TRAF2: variants seen among roughly 807,000 people sequenced by gnomAD.
TRAF2 encodes TNF receptor-associated factor 2.
In TRAF2, 6 loss-of-function variants were observed where a neutral mutation model predicts 55.6. The ratio of observed to expected loss-of-function variants is 0.11; its 90% CI spans 0.06 to 0.21. The LOEUF (loss-of-function observed/expected upper bound fraction) is 0.21, where lower values mean the gene tolerates loss of function less well. TRAF2 is among the 10% of genes least tolerant of loss of function. The pLI is 1.00. For synonymous variants in TRAF2, 329 were observed against 276.3 expected (o/e 1.19, Z -1.89); for missense variants, 561 against 684.5 (o/e 0.82, Z 2.01).
intron 3 of TRAF2, 147 bp downstream of exon 3, chr9:136,899,819 G>GT: frequency 1.5e-6 from 1 of 675,452 alleles, no homozygotes; most frequent in African/African-American, 1.8e-5. Flanking sequence ...GAGTCCAGGA[G>GT]TTTGAGACCA....
chr9:136,917,180 C>A (rs1383780683), intron 7 of TRAF2, among the ~76,000 whole-genome samples: 2 of 152,204 alleles, frequency 1.3e-5, no homozygotes, highest in African/African-American at 2.4e-5. Flanking sequence ...CTTATGGGAC[C>A]CCCGTTCTTT....
upstream of TRAF2, among the ~76,000 whole-genome samples, chr9:136,884,395 T>G (rs1849409229): frequency 6.6e-6 from 1 of 151,784 alleles, no homozygotes; most frequent in Admixed American, 6.6e-5. Context: ...CCGTCTCTAC[T>G]AAAATACAAA....
intron 1 of TRAF2, among the ~76,000 whole-genome samples, chr9:136,897,553 C>T (rs1360805287): frequency 1.3e-5 from 2 of 151,642 alleles, no homozygotes; most frequent in South Asian, 2.1e-4. Context: ...AAAGGGAATG[C>T]ACTAGCCAGC....
chr9:136,923,161 T>A (rs964475302), intron 9 of TRAF2, among the ~76,000 whole-genome samples: 1 of 152,132 alleles, frequency 6.6e-6, no homozygotes, highest in Admixed American at 6.5e-5. Context: ...AGCCAGTGCC[T>A]CTTCTGAGGC....
At chr9:136,889,085 C>T (rs1849519504) in intron 1 of TRAF2, among the ~76,000 whole-genome samples, 1 of 152,150 alleles carries the variant, frequency 6.6e-6, no homozygotes, top group Non-Finnish European at 1.5e-5. Flanking sequence ...AGGGTGGTCT[C>T]GATCTGATCT....
intron 4 of TRAF2, among the ~76,000 whole-genome samples, chr9:136,907,689 G>A (rs570112409): frequency 2.5e-4 from 38 of 152,254 alleles, no homozygotes; most frequent in African/African-American, 7.0e-4. Context: ...TCATCAGATC[G>A]AGCGTGGCCT....
At position 136,899,430 on chromosome 9, in the gene TRAF2, G is replaced by A. The variant is rs75899138; in HGVS notation, c.189-164G>A. Among the ~76,000 whole-genome samples, 71 of 152,306 alleles carry A rather than the reference G, an allele frequency of 4.7e-4. 1 individual carries two copies. The highest frequency in any genetic ancestry group is 1.9e-3 in the East Asian group (10 of 5,180). On this transcript the variant is annotated intron_variant, in intron 2 of 10. Coordinates refer to ENST00000247668, the MANE Select transcript of TRAF2 (RefSeq NM_021138.4). Reference sequence around the variant, plus strand: ...TAAAAACAGTGTGCTGTGAATACTGGGGTTTAAAACATGTCCTGTTAACAT... The same window carrying A: ...TAAAAACAGTGTGCTGTGAATACTGAGGTTTAAAACATGTCCTGTTAACAT...
In TRAF2 at chr9:136,926,282, G is replaced by A. The variant is rs1364456240; in HGVS notation, c.*381G>A. Reference sequence around the variant, plus strand: ...CCATGTAGCAGGAGCACAGTGGATGGCCTTGTGTCCCTCGGGCATGACAGG... The same window carrying A: ...CCATGTAGCAGGAGCACAGTGGATGACCTTGTGTCCCTCGGGCATGACAGG... On this transcript the variant is annotated 3_prime_UTR_variant, in exon 11 of 11. Transcript: ENST00000247668. 2.7e-6 allele frequency: 1 copy of A among 373,144 alleles called. No homozygotes were observed. Among genetic ancestry groups the A allele is most frequent in the East Asian group, 6.7e-5 (1 of 14,922 alleles). The allele number at this position is 373,144 out of a possible 1,614,324, so 23.1% of individuals were successfully genotyped here.
intron 10 of TRAF2, among the ~76,000 whole-genome samples, chr9:136,924,691 C>T (rs1850477315): frequency 6.6e-6 from 1 of 152,118 alleles, no homozygotes; most frequent in African/African-American, 2.4e-5. Flanking sequence ...AGAGAGAGTG[C>T]AGAGGAAGGA....
intron 1 of TRAF2, among the ~76,000 whole-genome samples, chr9:136,896,220 G>C (rs1202981071): frequency 6.6e-6 from 1 of 152,238 alleles, no homozygotes; most frequent in East Asian, 1.9e-4. Context: ...CGGGACTGGG[G>C]ACAGAGCATA....
intron 6 of TRAF2, 124 bp downstream of exon 6, chr9:136,910,118 C>G (rs1850068034): frequency 9.3e-7 from 1 of 1,076,666 alleles, no homozygotes; most frequent in East Asian, 2.6e-5. Flanking sequence ...AGTGCAAAGC[C>G]CCTGTAACGT....
upstream of TRAF2, among the ~76,000 whole-genome samples, chr9:136,883,754 T>G (rs536891715): frequency 6.6e-6 from 1 of 151,352 alleles, no homozygotes; most frequent in Non-Finnish European, 1.5e-5. Flanking sequence ...TGACCTCAGG[T>G]GATCCACCCA....
intron 4 of TRAF2, among the ~76,000 whole-genome samples, chr9:136,907,738 C>T (rs1045213746): frequency 5.9e-5 from 9 of 152,116 alleles, no homozygotes; most frequent in South Asian, 2.1e-4. Flanking sequence ...GGCAGGGACC[C>T]GCTGGCGCAG....
intron 4 of TRAF2, among the ~76,000 whole-genome samples, chr9:136,906,212 G>T (rs541024772): frequency 6.6e-6 from 1 of 152,256 alleles, no homozygotes; most frequent in South Asian, 2.1e-4. Flanking sequence ...TGCTGATGTC[G>T]AGGCTGCAGT....
intron 9 of TRAF2, 102 bp downstream of exon 9, chr9:136,921,317 G>T (rs1850379507): frequency 7.0e-7 from 1 of 1,431,728 alleles, no homozygotes; most frequent in Non-Finnish European, 9.6e-7. Context: ...GGGTGGGGCT[G>T]GGATACGACC....
chr9:136,919,733 C>T lies in TRAF2; in HGVS notation c.679-501C>T, dbSNP rs534822804. On this transcript the variant is annotated intron_variant, in intron 7 of 10. Transcript: ENST00000247668. ...TGTCCCGTCCCTTTTTTCTTTTCTT[C>T]CAAACAGGGTTTTGCTGTGTCAGCC... Among the ~76,000 whole-genome samples, 36 of 151,220 alleles carry T rather than the reference C, an allele frequency of 2.4e-4. No individual in the cohort carries two copies. The South Asian group carries it at 3.2e-3, about 13-fold the overall frequency.
chr9:136,907,239 C>T (rs886271993), intron 4 of TRAF2, among the ~76,000 whole-genome samples: 1 of 152,262 alleles, frequency 6.6e-6, no homozygotes. Flanking sequence ...CTCCCGCTTC[C>T]CTAGTCTGCA....
intron 10 of TRAF2, among the ~76,000 whole-genome samples, chr9:136,925,179 G>A: frequency 6.6e-6 from 1 of 152,244 alleles, no homozygotes; most frequent in East Asian, 1.9e-4. Flanking sequence ...AGTAGGCAGA[G>A]CAGAGTTGGG....
At chr9:136,891,425 G>A (rs1849578097) in intron 1 of TRAF2, among the ~76,000 whole-genome samples, 1 of 151,046 alleles carries the variant, frequency 6.6e-6, no homozygotes, top group African/African-American at 2.4e-5. Flanking sequence ...TGTGTTTTTG[G>A]TAGAGACAGG....
Sources: allele counts gnomAD v4.1 joint callset (sites outside exome capture counted in the v4.1 genomes callset), GRCh38; gene constraint gnomAD v4.1.1; transcripts MANE v1.5; gene names NCBI Gene and HGNC (gene_info 2026-07-23, HGNC 2026-07-21).